TPO: variants seen among roughly 807,000 people sequenced by gnomAD.
The protein encoded by TPO is thyroid peroxidase.
Under a neutral mutation model 96.9 loss-of-function variants are expected in TPO, and 78 were observed. The observed-to-expected ratio is 0.81, with a 90% CI of 0.67 to 0.97. The LOEUF (loss-of-function observed/expected upper bound fraction) is 0.97. Among genes scored for constraint, TPO ranks in the 50% least tolerant of loss-of-function variants. TPO has a pLI of 0.00. For missense variants in TPO, 1,252 were observed against 1,274.8 expected (o/e 0.98, Z 0.27); for synonymous variants, 547 against 538.0 (o/e 1.02, Z -0.23).
intron 14 of TPO, among the ~76,000 whole-genome samples, chr2:1,515,346 C>G (rs1674577995): frequency 6.6e-6 from 1 of 152,204 alleles, no homozygotes; most frequent in Admixed American, 6.5e-5. Context: ...TAGCAAGAGG[C>G]TGGTGTGCTC....
chr2:1,534,005 T>C (rs1340886090), intron 15 of TPO, among the ~76,000 whole-genome samples: 23 of 49,048 alleles, frequency 4.7e-4, no homozygotes, highest in Non-Finnish European at 6.4e-4. Context: ...CTCTGTGTAA[T>C]CTCCCCAAAT....
chr2:1,480,337 G>A lies in TPO; in HGVS notation c.1338+2733G>A, dbSNP rs140872302. ...AATAATAAGTTGTGTTTAACGTGTC[G>A]ATAGAGCCACTGCTGCGACTTCTAG... is the stretch of plus-strand genomic sequence containing the variant. On this transcript the variant is annotated intron_variant, in intron 8 of 16. Transcript: ENST00000329066. 5.1e-3 allele frequency among the ~76,000 whole-genome samples: 775 copies of A among 151,956 alleles called. 11 individuals carry two copies. The highest frequency in any genetic ancestry group is 0.018 in the African/African-American group (750 of 41,392).
At chr2:1,488,187 C>T (rs1321187072) in intron 10 of TPO, among the ~76,000 whole-genome samples, 196 bp downstream of exon 10, 6 of 152,066 alleles carry the variant, frequency 3.9e-5, no homozygotes, top group South Asian at 2.1e-4. Context: ...AGAAATGGCA[C>T]GAAGAGGGTG....
intron 1 of TPO, among the ~76,000 whole-genome samples, chr2:1,377,540 A>C (rs1449428920): frequency 6.6e-6 from 1 of 152,178 alleles, no homozygotes; most frequent in Non-Finnish European, 1.5e-5. Flanking sequence ...GCTCAAAATG[A>C]ACCCAGACAG....
intron 7 of TPO, among the ~76,000 whole-genome samples, chr2:1,472,839 A>AAAG: frequency 6.7e-6 from 1 of 150,278 alleles, no homozygotes; most frequent in African/African-American, 2.4e-5. Context: ...AAAAAAAAAA[A>AAAG]AAAAAAAAAA....
chr2:1,533,353 C>T (rs1442379916), intron 15 of TPO, among the ~76,000 whole-genome samples: 1 of 109,084 alleles, frequency 9.2e-6, no homozygotes, highest in Non-Finnish European at 1.9e-5. Flanking sequence ...TGCAACCTTC[C>T]CAAATCCCCC....
At chr2:1,539,575 C>T (rs1364042563) in intron 15 of TPO, among the ~76,000 whole-genome samples, 5 of 152,150 alleles carry the variant, frequency 3.3e-5, no homozygotes, top group South Asian at 2.1e-4. Flanking sequence ...AAGGGTGGGG[C>T]GGTGACGGTG....
chr2:1,541,258 GCA>G (rs745342453), intron 16 of TPO: 23 of 1,044,754 alleles, frequency 2.2e-5, no homozygotes, highest in African/African-American at 1.3e-4. Context: ...CTGGTCACAG[GCA>G]CAAAGTCTCA....
chr2:1,508,835 A>G, intron 14 of TPO, among the ~76,000 whole-genome samples: 1 of 152,158 alleles, frequency 6.6e-6, no homozygotes, highest in East Asian at 1.9e-4. Context: ...TCAAAAAACC[A>G]GCTCCTGGAT....
intron 15 of TPO, among the ~76,000 whole-genome samples, chr2:1,532,341 TGTGTGCAACCTCCACAAATACCCCC>T (rs1678490599): frequency 4.8e-5 from 3 of 62,170 alleles, no homozygotes; most frequent in African/African-American, 2.1e-4. Flanking sequence ...TCTAATCCCC[TGTGTGCAACCTCCACAAATACCCCC>T]CACAGTGCGC....
intron 15 of TPO, among the ~76,000 whole-genome samples, chr2:1,518,830 G>T (rs1390464351): frequency 6.6e-6 from 1 of 152,210 alleles, no homozygotes. Context: ...GGCTTGAACT[G>T]TGCATTGCCC....
chr2:1,511,227 A>G (rs28464331), intron 14 of TPO, among the ~76,000 whole-genome samples: 1,542 of 123,808 alleles, frequency 0.012, 10 homozygotes, highest in Middle Eastern at 0.1. Context: ...GTGCCACAGC[A>G]AAGCCCTGCA....
intron 5 of TPO, chr2:1,439,066 T>C: frequency 1.9e-6 from 1 of 517,866 alleles, no homozygotes; most frequent in Non-Finnish European, 3.4e-6. Flanking sequence ...GTATTGTGCC[T>C]AAGTTTACAT....
In TPO at chr2:1,477,397, C is replaced by T; in HGVS notation, c.1131C>T (p.Pro377=). The change falls in exon 8 of 17, where the codon CCC becomes CCT. Residue 377 remains proline (P), a synonymous_variant. Coordinates refer to ENST00000329066, the MANE Select transcript of TPO (RefSeq NM_001206744.2). The stretch of plus-strand genomic sequence containing the variant: ...CACGCGCGCCTGCGGCCTGTGCGCC[C>T]GAGCCCGGCATCCCCGGAGAGACCC... ...VPPRAPAACA[P]EPGIPGETRG... is the part of the protein sequence containing the mutation. The T allele has an allele frequency of 3.3e-6, 5 of 1,525,410 alleles. No homozygotes were observed. Among genetic ancestry groups the T allele is most frequent in the South Asian group, 1.2e-5 (1 of 82,424 alleles). The allele number at this position is 1,525,410 out of a possible 1,614,324, so 94.5% of individuals were successfully genotyped here.
At chr2:1,508,702 G>C (rs1558382280) in intron 14 of TPO, among the ~76,000 whole-genome samples, 1 of 152,164 alleles carries the variant, frequency 6.6e-6, no homozygotes. Context: ...TCTGATGGTA[G>C]TTTGTATTTC....
intron 15 of TPO, among the ~76,000 whole-genome samples, chr2:1,533,337 A>G (rs1186990313): frequency 1.7e-5 from 1 of 57,230 alleles, no homozygotes; most frequent in East Asian, 6.3e-4. Flanking sequence ...AAATCCCCCC[A>G]CTGTGTGCAA....
At chr2:1,408,254 T>TAG (rs1307369304) in intron 1 of TPO, among the ~76,000 whole-genome samples, 3 of 152,204 alleles carry the variant, frequency 2.0e-5, no homozygotes, top group Admixed American at 6.5e-5. Flanking sequence ...TGTAACTAGT[T>TAG]AGAGCATTTT....
At chr2:1,503,579 G>A (rs572448060) in intron 13 of TPO, among the ~76,000 whole-genome samples, 23 of 152,218 alleles carry the variant, frequency 1.5e-4, no homozygotes, top group African/African-American at 3.4e-4. Flanking sequence ...CTGCCTGGGC[G>A]AAGCAGACCC....
At chr2:1,428,584 G>A (rs967173469) in intron 3 of TPO, among the ~76,000 whole-genome samples, 1 of 152,152 alleles carries the variant, frequency 6.6e-6, no homozygotes, top group African/African-American at 2.4e-5. Flanking sequence ...GGCCCAGATT[G>A]TGTTGTCCCA....
Sources: gnomAD v4.1 joint callset for allele counts (sites outside exome capture counted in the v4.1 genomes callset) on GRCh38, gnomAD v4.1.1 for gene constraint, MANE v1.5 for transcripts, NCBI Gene and HGNC (gene_info 2026-07-23, HGNC 2026-07-21) for gene names.